The following SLC45A4 variants were observed in gnomAD, a reference collection of about 807,000 sequenced individuals.
The protein encoded by SLC45A4 is polyamine-transporter SLC45A4.
SLC45A4 carries 32 observed loss-of-function variants against 63.7 expected under a neutral mutation model. That is an observed-to-expected ratio of 0.50 (90% CI 0.38 to 0.67). The LOEUF (loss-of-function observed/expected upper bound fraction) is 0.67, where lower values mean the gene tolerates loss of function less well. Ranked by LOEUF, SLC45A4 falls within the 30% of genes least tolerant of loss-of-function variation. SLC45A4 has a pLI of 0.00. For missense variants in SLC45A4, 1,027 were observed against 1,157.7 expected (o/e 0.89, Z 1.64); for synonymous variants, 535 against 510.0 (o/e 1.05, Z -0.66).
intron 2 of SLC45A4, among the ~76,000 whole-genome samples, chr8:141,222,303 A>G (rs536799064): frequency 6.6e-6 from 1 of 152,368 alleles, no homozygotes; most frequent in East Asian, 1.9e-4. Flanking sequence ...AGGGTCCTGC[A>G]GAGGGTCCCC....
In SLC45A4 at chr8:141,227,824, G is replaced by T. The variant is rs898400518; in HGVS notation, c.242-6059C>A. On this transcript the variant is annotated intron_variant, in intron 2 of 8. Transcript: ENST00000517878. This position sits in a 1 kb window ranked among gnomAD's most constrained non-coding sequence, Gnocchi z 4.4. ...TACAAACCGGCCCGTCATTTAGGGTGGAGGGGACAGCAGCACCTTGAGTGT... is the reference window on the plus strand; with the variant it reads ...TACAAACCGGCCCGTCATTTAGGGTTGAGGGGACAGCAGCACCTTGAGTGT... Among the ~76,000 whole-genome samples, 9 of 152,236 alleles carry T rather than the reference G, an allele frequency of 5.9e-5. No homozygotes were observed. The highest frequency in any genetic ancestry group is 1.3e-4 in the Non-Finnish European group (9 of 68,036).
chr8:141,213,778 G>T (rs1825975828), intron 7 of SLC45A4, among the ~76,000 whole-genome samples: 1 of 152,224 alleles, frequency 6.6e-6, no homozygotes, highest in South Asian at 2.1e-4. Context: ...TAAAGTCTCA[G>T]ATAACTAACA....
At chr8:141,212,647 G>A (rs1779372843) in intron 7 of SLC45A4, 91 bp from the exon 8 acceptor site, 4 of 1,423,548 alleles carry the variant, frequency 2.8e-6, no homozygotes, top group Non-Finnish European at 3.7e-6. Flanking sequence ...CACAAGCCTG[G>A]AAACATGACC....
At chr8:141,265,175 G>A (rs920374189) in intron 1 of SLC45A4, among the ~76,000 whole-genome samples, 3 of 152,222 alleles carry the variant, frequency 2.0e-5, no homozygotes, top group African/African-American at 7.2e-5. Context: ...CATTTCCCGA[G>A]AGACAACAGT....
chr8:141,248,421 T>C (rs1244826375), intron 2 of SLC45A4, among the ~76,000 whole-genome samples: 1 of 151,794 alleles, frequency 6.6e-6, no homozygotes, highest in African/African-American at 2.4e-5. Context: ...TTTAAAATAT[T>C]AGCTAGGTGT....
intron 1 of SLC45A4, among the ~76,000 whole-genome samples, chr8:141,259,206 C>T (rs1040796216): frequency 1.3e-5 from 2 of 152,246 alleles, no homozygotes; most frequent in Non-Finnish European, 2.9e-5. Flanking sequence ...CCCACACTCC[C>T]AGAGTATCCG....
At chr8:141,250,901 C>G (rs1314879335) in intron 2 of SLC45A4, among the ~76,000 whole-genome samples, 1 of 152,110 alleles carries the variant, frequency 6.6e-6, no homozygotes, top group African/African-American at 2.4e-5. Flanking sequence ...AACAATGAAA[C>G]GTGCATAGAA....
At chr8:141,274,100 G>A (rs528171015) in intron 1 of SLC45A4, among the ~76,000 whole-genome samples, 44 of 151,856 alleles carry the variant, frequency 2.9e-4, no homozygotes, top group Non-Finnish European at 5.4e-4. Flanking sequence ...GTGGTGGCAG[G>A]CGCCGATAGT....
intron 1 of SLC45A4, among the ~76,000 whole-genome samples, chr8:141,276,647 T>C (rs1829737827): frequency 6.6e-6 from 1 of 152,160 alleles, no homozygotes; most frequent in South Asian, 2.1e-4. Flanking sequence ...TGCACAGCAC[T>C]GCACTCACAG....
At chr8:141,258,832 A>C (rs1828925984) in intron 1 of SLC45A4, among the ~76,000 whole-genome samples, 1 of 152,022 alleles carries the variant, frequency 6.6e-6, no homozygotes, top group African/African-American at 2.4e-5. Flanking sequence ...TCAAGGCTGA[A>C]GTAAGCTACA....
intron 6 of SLC45A4, 39 bp from the exon 7 acceptor site, chr8:141,216,009 C>T (rs892364): frequency 0.31 from 493,125 of 1,578,488 alleles, 79,372 homozygotes; most frequent in Admixed American, 0.45. Context: ...AGTGGGCAGG[C>T]GGCTGGCTCC....
At chr8:141,246,117 G>A (rs1441079116) in intron 2 of SLC45A4, among the ~76,000 whole-genome samples, 1 of 152,242 alleles carries the variant, frequency 6.6e-6, no homozygotes, top group African/African-American at 2.4e-5. Context: ...ATACAAACAT[G>A]CTGCTTCTGT....
At position 141,254,093 on chromosome 8, in the gene SLC45A4, C is replaced by T. The variant is rs1182257743; in HGVS notation, c.137G>A (p.Arg46Gln). The T allele has an allele frequency of 2.0e-6, 3 of 1,536,180 alleles. No individual in the cohort carries two copies. Among genetic ancestry groups the T allele is most frequent in the African/African-American group, 1.4e-5 (1 of 73,184 alleles). Reference sequence around the variant, plus strand: ...CATCACCCACAGGCGCATGGGGATTCGGTCTATGGACCCCTCGCTGATGGT... The same window carrying T: ...CATCACCCACAGGCGCATGGGGATTTGGTCTATGGACCCCTCGCTGATGGT... ...CETISEGSIDRIPMRLWVMHG... is the reference protein window; with the variant it reads ...CETISEGSIDQIPMRLWVMHG... The change falls in exon 2 of 9, where the codon CGA becomes CAA. Residue 46 changes from arginine to glutamine, a missense_variant. Arg to Gln is a conservative substitution (Grantham distance 43). Coordinates refer to ENST00000517878, the MANE Select transcript of SLC45A4 (RefSeq NM_001286646.2). This position sits in a 1 kb window ranked among gnomAD's most constrained non-coding sequence, Gnocchi z 4.5.
chr8:141,253,665 G>T (rs1569558828), intron 2 of SLC45A4, among the ~76,000 whole-genome samples: 2 of 152,246 alleles, frequency 1.3e-5, no homozygotes, highest in Non-Finnish European at 2.9e-5. Flanking sequence ...GTTGTTCACT[G>T]TGGCCTGGCA....
At chr8:141,302,379 ACCCCCATC>A in intron 1 of SLC45A4, among the ~76,000 whole-genome samples, 1 of 144,430 alleles carries the variant, frequency 6.9e-6, no homozygotes, top group African/African-American at 2.6e-5. Context: ...CACCACCACC[ACCCCCATC>A]CCCGCTGCCC....
intron 1 of SLC45A4, among the ~76,000 whole-genome samples, chr8:141,259,923 T>C (rs150724310): frequency 6.6e-6 from 1 of 152,126 alleles, no homozygotes; most frequent in Non-Finnish European, 1.5e-5. Context: ...TACTATGGGG[T>C]ATCTGCACTG....
At chr8:141,221,815 G>A (rs1193997785) in intron 2 of SLC45A4, 50 bp from the exon 3 acceptor site, 1 of 1,585,054 alleles carries the variant, frequency 6.3e-7, no homozygotes, top group Admixed American at 1.8e-5. Flanking sequence ...GCCGGGCTCT[G>A]CCACAGTTTT....
intron 1 of SLC45A4, among the ~76,000 whole-genome samples, chr8:141,279,385 G>A (rs541382519): frequency 2.0e-5 from 3 of 152,356 alleles, no homozygotes; most frequent in East Asian, 1.9e-4. Flanking sequence ...GGAGCAAGTC[G>A]GCTAAGAGTG....
rs914002301 is a variant in SLC45A4, at chr8:141,254,476, A to G, written c.-247T>C. Reference sequence around the variant, plus strand: ...CATATGGCTTGCTGGTTTACTGTGAATTAGAGTTAAAAATCCATAATTGCC... The same window carrying G: ...CATATGGCTTGCTGGTTTACTGTGAGTTAGAGTTAAAAATCCATAATTGCC... On this transcript the variant is annotated 5_prime_UTR_variant, in exon 2 of 9. Coordinates refer to ENST00000517878, the MANE Select transcript of SLC45A4 (RefSeq NM_001286646.2). The surrounding 1 kb of genome is among the most constrained non-coding windows in gnomAD (Gnocchi z 4.5). 1.5e-6 allele frequency: 1 copy of G among 675,200 alleles called. No individual in the cohort carries two copies. The highest frequency in any genetic ancestry group is 1.8e-5 in the African/African-American group (1 of 56,544). The allele number at this position is 675,200 out of a possible 1,614,324, so 41.8% of individuals were successfully genotyped here.
Sources: gnomAD v4.1 joint callset for allele counts (sites outside exome capture counted in the v4.1 genomes callset) on GRCh38, gnomAD v4.1.1 for gene constraint, Gnocchi (gnomAD v3.1) non-coding constraint, MANE v1.5 for transcripts, NCBI Gene and HGNC (gene_info 2026-07-23, HGNC 2026-07-21) for gene names.